LY86: variants seen among roughly 807,000 people sequenced by gnomAD.
LY86 encodes MD-1, RP105-associated.
A neutral mutation model predicts 17.3 loss-of-function variants in LY86; 20 were observed. That is an observed-to-expected ratio of 1.15 (90% CI 0.81 to 1.68). The LOEUF (loss-of-function observed/expected upper bound fraction) is 1.68. LY86 is among the 40% of genes most tolerant of loss of function. LY86 has a pLI of 0.00. For missense variants in LY86, 200 were observed against 191.9 expected, an observed-to-expected ratio of 1.04 and a Z score of -0.25; for synonymous variants, 74 against 70.6, an observed-to-expected ratio of 1.05 and a Z score of -0.24.
chr6:6,632,459 G>A (rs1761910269), intron 3 of LY86, among the ~76,000 whole-genome samples: 1 of 152,180 alleles, frequency 6.6e-6, no homozygotes, highest in South Asian at 2.1e-4. Context: ...TGAGTCCCTG[G>A]GCTTCCTCCC....
intron 1 of LY86, among the ~76,000 whole-genome samples, chr6:6,619,707 A>G (rs1761631298): frequency 6.6e-6 from 1 of 152,198 alleles, no homozygotes; most frequent in Non-Finnish European, 1.5e-5. Flanking sequence ...CAGCTCTTAG[A>G]GTAATGTGGG....
chr6:6,640,324 G>A lies in LY86; in HGVS notation c.353-9301G>A, dbSNP rs950765945. Among the ~76,000 whole-genome samples, 6 of 151,938 alleles carry A rather than the reference G, an allele frequency of 3.9e-5. No individual in the cohort carries two copies. In the East Asian group the frequency reaches 5.8e-4, roughly 15 times the overall value. ...TGTAATCCCAGCACTTTGGGAGGCC[G>A]AGGGGCACAGATTGCTTGAGCTTAA... On this transcript the variant is annotated intron_variant, in intron 3 of 4. Coordinates refer to ENST00000230568, the MANE Select transcript of LY86 (RefSeq NM_004271.4).
intron 1 of LY86, among the ~76,000 whole-genome samples, chr6:6,604,497 C>T (rs1761032612): frequency 1.3e-5 from 2 of 151,952 alleles, no homozygotes; most frequent in Non-Finnish European, 2.9e-5. Flanking sequence ...GAAGGGAGAA[C>T]TGATGGACTG....
At chr6:6,652,520 C>T (rs1040940511) in intron 4 of LY86, among the ~76,000 whole-genome samples, 1 of 152,170 alleles carries the variant, frequency 6.6e-6, no homozygotes, top group African/African-American at 2.4e-5. Flanking sequence ...CGGATTGAAG[C>T]CCTACCTGCT....
At position 6,626,433 on chromosome 6, in the gene LY86, G is replaced by T. The variant is rs754525851; in HGVS notation, c.352+12G>T. ...AAGAAGGAAAGGAGGTAAGCCATCT[G>T]TCTTGCTCACTGCTGGCAGGGGCCT... On this transcript the variant is annotated intron_variant, in intron 3 of 4. Coordinates refer to ENST00000230568, the MANE Select transcript of LY86 (RefSeq NM_004271.4). 17 of 1,613,040 alleles carry T rather than the reference G, an allele frequency of 1.1e-5. No individual in the cohort carries two copies. Among genetic ancestry groups the T allele is most frequent in the Non-Finnish European group, 1.4e-5 (17 of 1,179,904 alleles).
At chr6:6,649,490 A>ACCG in intron 3 of LY86, 135 bp from the exon 4 acceptor site, 1 of 470,642 alleles carries the variant, frequency 2.1e-6, no homozygotes, top group South Asian at 4.3e-5. Flanking sequence ...TCAGGAAATG[A>ACCG]AAACATTTCT....
At chr6:6,621,416 T>G (rs561226315) in intron 1 of LY86, 5 of 152,354 alleles carry the variant, frequency 3.3e-5, no homozygotes, top group African/African-American at 1.2e-4. Context: ...AAATGCAACC[T>G]ACCATCTTTT....
chr6:6,603,611 AAAAC>A (rs1439848506), intron 1 of LY86, among the ~76,000 whole-genome samples: 38 of 123,588 alleles, frequency 3.1e-4, no homozygotes, highest in African/African-American at 8.7e-4. Context: ...AACAGAAAAA[AAAAC>A]AAACAAAAAA....
At chr6:6,652,360 C>A (rs1456637024) in intron 4 of LY86, among the ~76,000 whole-genome samples, 1 of 152,104 alleles carries the variant, frequency 6.6e-6, no homozygotes, top group African/African-American at 2.4e-5. Flanking sequence ...TTGTAAAAGA[C>A]GTACCCCATA....
At chr6:6,606,667 C>A (rs1761165533) in intron 1 of LY86, among the ~76,000 whole-genome samples, 1 of 152,228 alleles carries the variant, frequency 6.6e-6, no homozygotes, top group Admixed American at 6.5e-5. Flanking sequence ...CAGCTACTGG[C>A]CCAGGTGCTA....
chr6:6,626,282 C>G lies in LY86; in HGVS notation c.224-11C>G. 1.9e-6 allele frequency: 3 copies of G among 1,613,222 alleles called. No homozygotes were observed. The highest frequency in any genetic ancestry group is 2.5e-6 in the Non-Finnish European group (3 of 1,179,822). Reference sequence around the variant, plus strand: ...GCAGTAAGAGTAAAGCTGTTCTTCTCTTTCCTCCAGGAGAGGACATCAAAG... The same window carrying G: ...GCAGTAAGAGTAAAGCTGTTCTTCTGTTTCCTCCAGGAGAGGACATCAAAG... On this transcript the variant is annotated splice_polypyrimidine_tract_variant and intron_variant, in intron 2 of 4. Transcript: ENST00000230568.
chr6:6,622,161 G>A (rs1256271851), intron 1 of LY86, among the ~76,000 whole-genome samples: 2 of 152,132 alleles, frequency 1.3e-5, no homozygotes, highest in Admixed American at 6.5e-5. Flanking sequence ...AGCTTTCTTT[G>A]TGACTTTGTT....
At chr6:6,591,767 A>G (rs1478135230) in intron 1 of LY86, among the ~76,000 whole-genome samples, 1 of 152,250 alleles carries the variant, frequency 6.6e-6, no homozygotes. Context: ...GCCTGACTCC[A>G]GAACCCATGC....
intron 3 of LY86, among the ~76,000 whole-genome samples, chr6:6,634,154 A>G (rs1482649804): frequency 6.6e-6 from 1 of 152,268 alleles, no homozygotes; most frequent in Non-Finnish European, 1.5e-5. Context: ...AAAATCCATT[A>G]TGAAACACAT....
At chr6:6,645,554 G>A (rs78885518) in intron 3 of LY86, among the ~76,000 whole-genome samples, 3 of 151,990 alleles carry the variant, frequency 2.0e-5, no homozygotes, top group African/African-American at 7.2e-5. Flanking sequence ...AAGGAAGGAG[G>A]CTGTGCCACC....
rs897482845 is a variant in LY86 at position 6,606,777 on chromosome 6, G to A, written c.136+17907G>A. 2.0e-5 allele frequency among the ~76,000 whole-genome samples: 3 copies of A among 152,192 alleles called. No individual in the cohort carries two copies. In the East Asian group the frequency reaches 5.8e-4, roughly 29 times the overall value. ...ACTCGCGCTGGCCCGCAAGCGCCGC[G>A]CGCAGCCCGGGTTCCCGCTTACGCC... On this transcript the variant is annotated intron_variant, in intron 1 of 4. Coordinates refer to ENST00000230568, the MANE Select transcript of LY86 (RefSeq NM_004271.4).
intron 4 of LY86, among the ~76,000 whole-genome samples, 170 bp downstream of exon 4, chr6:6,649,847 CT>C (rs1762161038): frequency 6.6e-6 from 1 of 152,214 alleles, no homozygotes. Flanking sequence ...AATAAAACTG[CT>C]GCTTCAGAGT....
chr6:6,598,883 C>G (rs1186666847), intron 1 of LY86, among the ~76,000 whole-genome samples: 1 of 152,222 alleles, frequency 6.6e-6, no homozygotes, highest in Non-Finnish European at 1.5e-5. Flanking sequence ...TTAGCTAGTT[C>G]ATCATCCTAG....
At chr6:6,608,050 C>T (rs1433409708) in intron 1 of LY86, among the ~76,000 whole-genome samples, 1 of 152,180 alleles carries the variant, frequency 6.6e-6, no homozygotes, top group Non-Finnish European at 1.5e-5. Flanking sequence ...TATAGATCTA[C>T]AGTGAACAAT....
Sources: gnomAD v4.1 joint callset for allele counts (sites outside exome capture counted in the v4.1 genomes callset) on GRCh38, gnomAD v4.1.1 for gene constraint, MANE v1.5 for transcripts, NCBI Gene and HGNC (gene_info 2026-07-23, HGNC 2026-07-21) for gene names.